Variants in SETD4 observed in about 807,000 individuals in gnomAD.
SETD4 encodes SET domain containing 4, also known as SET domain-containing protein 4.
A neutral mutation model predicts 58.3 loss-of-function variants in SETD4; 46 were observed. That is an observed-to-expected ratio of 0.79 (90% CI 0.62 to 1.01). The LOEUF is 1.01. Among genes scored for constraint, SETD4 ranks in the 50% least tolerant of loss-of-function variants. SETD4 has a pLI of 0.00. For missense variants in SETD4, 490 were observed against 523.3 expected, an observed-to-expected ratio of 0.94 and a Z score of 0.62; for synonymous variants, 190 against 202.6, an observed-to-expected ratio of 0.94 and a Z score of 0.53.
intron 3 of SETD4, among the ~76,000 whole-genome samples, chr21:36,055,275 G>A (rs894487039): frequency 6.6e-6 from 1 of 152,206 alleles, no homozygotes; most frequent in African/African-American, 2.4e-5. Flanking sequence ...TTATATGGTA[G>A]ATAGTGTTTA....
chr21:36,038,988 G>A (rs1480896939), intron 9 of SETD4, among the ~76,000 whole-genome samples: 3 of 152,230 alleles, frequency 2.0e-5, no homozygotes, highest in Middle Eastern at 3.4e-3. Context: ...GAATCTGGAA[G>A]TGGAAGTGGC....
chr21:36,043,739 AAAATT>A (rs2064173033), intron 7 of SETD4, 38 bp downstream of exon 7: 2 of 1,600,448 alleles, frequency 1.2e-6, no homozygotes, highest in African/African-American at 2.7e-5. Flanking sequence ...AATGGGGAAA[AAAATT>A]ATATAGTGTT....
Position 36,047,023 on chromosome 21 carries a change from A to T in SETD4, c.297-1012T>A, listed in dbSNP as rs1454001340. 2.0e-5 allele frequency among the ~76,000 whole-genome samples: 3 copies of T among 152,150 alleles called. No individual in the cohort carries two copies. In the East Asian group the frequency reaches 5.8e-4, roughly 29 times the overall value. ...TATATCCCAGCACTTTGGGAAGCCA[A>T]AGTGGGTGGATCACTTGAGGCCAGG... is the stretch of plus-strand genomic sequence containing the variant. On this transcript the variant is annotated intron_variant, in intron 5 of 11. Coordinates refer to ENST00000332131, the MANE Select transcript of SETD4 (RefSeq NM_017438.5).
At chr21:36,049,478 T>C (rs1317699045) in intron 4 of SETD4, among the ~76,000 whole-genome samples, 2 of 152,012 alleles carry the variant, frequency 1.3e-5, no homozygotes, top group Non-Finnish European at 2.9e-5. Flanking sequence ...TCACTTGAAC[T>C]CGAGAGGCAG....
intron 7 of SETD4, chr21:36,043,400 C>T (rs1204260884): frequency 8.9e-6 from 8 of 903,190 alleles, no homozygotes; most frequent in Non-Finnish European, 8.1e-6. Flanking sequence ...CAGTGTCTTA[C>T]CCACAGTAGG....
At position 36,036,036 on chromosome 21, in the gene SETD4, T is replaced by C. The variant is rs544902069; in HGVS notation, c.*32+49A>G. ...CACAACTCATCGACTCTAAACTATA[T>C]AAATTTAGTCCATCAAACCTTAGTC... On this transcript the variant is annotated intron_variant, in intron 11 of 11. Coordinates refer to ENST00000332131, the MANE Select transcript of SETD4 (RefSeq NM_017438.5). The C allele has an allele frequency of 3.5e-5, 55 of 1,559,898 alleles. No individual in the cohort carries two copies. The African/African-American group carries it at 5.0e-4, about 14-fold the overall frequency.
chr21:36,060,127 G>C, intron 1 of SETD4: 1 of 985,558 alleles, frequency 1.0e-6, no homozygotes, highest in Non-Finnish European at 1.2e-6. Context: ...AGGCTCCTCA[G>C]CTTTACGCAG....
At chr21:36,050,565 T>C in intron 4 of SETD4, 2 of 1,613,768 alleles carry the variant, frequency 1.2e-6, no homozygotes, top group African/African-American at 2.7e-5. Flanking sequence ...TAATAAGTTC[T>C]GGACATTTCA....
intron 4 of SETD4, chr21:36,050,102 C>G (rs1365743381): frequency 1.5e-6 from 1 of 657,392 alleles, no homozygotes; most frequent in Non-Finnish European, 2.7e-6. Flanking sequence ...ACAGAAGCCC[C>G]TGTGCTCAGG....
At chr21:36,052,392 A>T (rs11702405) in intron 4 of SETD4, among the ~76,000 whole-genome samples, 52,647 of 150,372 alleles carry the variant, frequency 0.35, 9,442 homozygotes, top group Admixed American at 0.4. Flanking sequence ...ACTAAAAAAA[A>T]AAAAAAAAAA....
intron 4 of SETD4, chr21:36,050,230 T>C (rs2064583840): frequency 2.3e-6 from 3 of 1,311,552 alleles, no homozygotes; most frequent in Non-Finnish European, 3.3e-6. Context: ...TGTAGTTACG[T>C]GGCTGCCAAG....
chr21:36,048,455 T>C, intron 4 of SETD4, 59 bp from the exon 5 acceptor site: 1 of 1,493,274 alleles, frequency 6.7e-7, no homozygotes, highest in Admixed American at 1.7e-5. Flanking sequence ...CCCATGAGTA[T>C]GAGTCTTACA....
intron 4 of SETD4, among the ~76,000 whole-genome samples, chr21:36,052,384 T>TA (rs143468751): frequency 0.016 from 2,013 of 122,614 alleles, 42 homozygotes; most frequent in African/African-American, 0.052. Flanking sequence ...CTGTCTCTAC[T>TA]AAAAAAAAAA....
chr21:36,053,466 T>A (rs1601276350), intron 4 of SETD4, 117 bp downstream of exon 4: 2 of 977,948 alleles, frequency 2.0e-6, no homozygotes, highest in African/African-American at 1.6e-5. Flanking sequence ...AATATATCTA[T>A]TAGGTAAGTA....
chr21:36,036,880 G>A (rs532108484), intron 10 of SETD4, among the ~76,000 whole-genome samples: 6 of 152,306 alleles, frequency 3.9e-5, no homozygotes, highest in East Asian at 3.9e-4. Context: ...TTGTGACAAC[G>A]TGGATGAACC....
Position 36,040,572 on chromosome 21 carries a change from T to G in SETD4, c.1064+3A>C, listed in dbSNP as rs1422690682. ...GCTTAAGACCAACACATGTGAAACT[T>G]ACAATTTCTCAGCTTCCAGACATAA... On this transcript the variant is annotated splice_donor_region_variant and intron_variant, in intron 9 of 11. Coordinates refer to ENST00000332131, the MANE Select transcript of SETD4 (RefSeq NM_017438.5). The G allele has an allele frequency of 6.2e-7, 1 of 1,612,726 alleles. No individual in the cohort carries two copies. The highest frequency in any genetic ancestry group is 8.5e-7 in the Non-Finnish European group (1 of 1,179,010).
chr21:36,048,171 T>C, intron 5 of SETD4, 137 bp downstream of exon 5: 1 of 753,460 alleles, frequency 1.3e-6, no homozygotes, highest in South Asian at 1.7e-5. Context: ...GGAGTAAACT[T>C]TTCACATCAT....
At chr21:36,053,423 C>T in intron 4 of SETD4, 160 bp downstream of exon 4, 1 of 733,638 alleles carries the variant, frequency 1.4e-6, no homozygotes, top group Non-Finnish European at 2.3e-6. Context: ...TTTATTGCAA[C>T]AAACTTAATC....
Position 36,038,159 on chromosome 21 carries a change from C to A in SETD4, c.1179G>T (p.Val393=). The A allele has an allele frequency of 1.2e-6, 2 of 1,610,288 alleles. No homozygotes were observed. The highest frequency in any genetic ancestry group is 1.3e-5 in the African/African-American group (1 of 74,818). Reference sequence around the variant, plus strand: ...TATTCTAGAAACATACCTTTTGAAGCACAGCATTAGTCTCTTCTATGAAAT... The same window carrying A: ...TATTCTAGAAACATACCTTTTGAAGAACAGCATTAGTCTCTTCTATGAAAT... The part of the protein sequence containing the change: ...CYYFIEETNA[V]LQKVSHMKDE... The change falls in exon 10 of 12, where the codon GTG becomes GTT. Residue 393 remains valine (V), a synonymous_variant. Coordinates refer to ENST00000332131, the MANE Select transcript of SETD4 (RefSeq NM_017438.5).
Sources: gnomAD v4.1 joint callset for allele counts (sites outside exome capture counted in the v4.1 genomes callset) on GRCh38, gnomAD v4.1.1 for gene constraint, MANE v1.5 for transcripts, NCBI Gene and HGNC (gene_info 2026-07-23, HGNC 2026-07-21) for gene names.